Variants in MAPKBP1 observed in about 807,000 individuals in gnomAD.
MAPKBP1 encodes mitogen-activated protein kinase-binding protein 1.
In MAPKBP1, 71 loss-of-function variants were observed where a neutral mutation model predicts 170.5. That is an observed-to-expected ratio of 0.42 (90% CI 0.34 to 0.51). The LOEUF (loss-of-function observed/expected upper bound fraction) is 0.51, where lower values mean the gene tolerates loss of function less well. Among genes scored for constraint, MAPKBP1 ranks in the 20% least tolerant of loss-of-function variants. The pLI, the probability that MAPKBP1 is intolerant of heterozygous loss-of-function variation, is 0.06. For missense variants in MAPKBP1, 1,598 were observed against 1,933.0 expected (o/e 0.83, Z 3.25); for synonymous variants, 719 against 757.9 (o/e 0.95, Z 0.84).
Position 41,819,356 on chromosome 15 carries a change from C to T in MAPKBP1, c.2402C>T (p.Ala801Val), listed in dbSNP as rs777450186. The stretch of plus-strand genomic sequence containing the variant: ...GAACTTCCAGCACTGCCCGTCCTTG[C>T]CAAGAGTACCAAGAAGGCACTGGGT... ...EEELPALPVL[A>V]KSTKKALASV... Residue 801 changes from alanine to valine, a missense_variant, in exon 21 of 31, where the codon GCC (alanine) becomes GTC (valine). Physicochemically the swap from Ala to Val is moderately conservative, Grantham distance 64. Transcript: ENST00000457542. The T allele has an allele frequency of 6.8e-6, 11 of 1,614,152 alleles. No homozygotes were observed. The South Asian group carries it at 9.9e-5, about 14-fold the overall frequency.
chr15:41,774,767 A>T (rs1333073059), intron 1 of MAPKBP1, 157 bp downstream of exon 1: 5 of 400,008 alleles, frequency 1.2e-5, no homozygotes, highest in Non-Finnish European at 2.2e-5. Flanking sequence ...GTTGTGGGCT[A>T]CGGCGAGCCC....
chr15:41,782,359 C>T (rs1488128638), intron 2 of MAPKBP1, among the ~76,000 whole-genome samples: 1 of 151,830 alleles, frequency 6.6e-6, no homozygotes, highest in Non-Finnish European at 1.5e-5. Flanking sequence ...CCCCGTGTAA[C>T]CACTGCCCAA....
intron 5 of MAPKBP1, chr15:41,811,542 C>CG (rs1440083211): frequency 1.2e-5 from 8 of 646,942 alleles, no homozygotes; most frequent in Non-Finnish European, 2.0e-5. Flanking sequence ...GTGAAGGAAG[C>CG]GTGCTTTGGA....
chr15:41,817,856 A>G lies in MAPKBP1; in HGVS notation c.1904+121A>G. 3 of 1,561,854 alleles carry G rather than the reference A, an allele frequency of 1.9e-6. No individual in the cohort carries two copies. Among genetic ancestry groups the G allele is most frequent in the Non-Finnish European group, 2.6e-6 (3 of 1,141,458 alleles). Reference sequence around the variant, plus strand: ...GGACTTTGTACCCCCTTGAGCCTACAGTACTTTGCTTCACCCAAGAGGTGG... The same window carrying G: ...GGACTTTGTACCCCCTTGAGCCTACGGTACTTTGCTTCACCCAAGAGGTGG... On this transcript the variant is annotated intron_variant, in intron 16 of 30. Coordinates refer to ENST00000457542, the MANE Select transcript of MAPKBP1 (RefSeq NM_014994.3). This position sits in a 1 kb window ranked among gnomAD's most constrained non-coding sequence, Gnocchi z 4.2.
rs118190228 is a variant in MAPKBP1 at position 41,813,136 on chromosome 15, C to T, written c.819+35C>T. 7.4e-3 allele frequency: 11,639 copies of T among 1,575,450 alleles called. 55 individuals are homozygous for T. Among genetic ancestry groups the T allele is most frequent in the Admixed American group, 9.5e-3 (540 of 56,690 alleles). On this transcript the variant is annotated intron_variant, in intron 8 of 30. Coordinates refer to ENST00000457542, the MANE Select transcript of MAPKBP1 (RefSeq NM_014994.3). Reference sequence around the variant, plus strand: ...TCCGTCCCCAGGGGTAGGGTCTGCTCATGTCTCAGCTCAGGGGAGAACTAG... The same window carrying T: ...TCCGTCCCCAGGGGTAGGGTCTGCTTATGTCTCAGCTCAGGGGAGAACTAG...
At chr15:41,821,935 C>G (rs199559079) in intron 24 of MAPKBP1, 30 bp from the exon 25 acceptor site, 9 of 1,605,208 alleles carry the variant, frequency 5.6e-6, no homozygotes, top group Non-Finnish European at 7.7e-6. Context: ...TGCTCACTGC[C>G]TTTTCTTCTC....
rs763584749 is a variant in MAPKBP1, at chr15:41,818,498, C to T, written c.2093-21C>T. 38 of 1,607,138 alleles carry T rather than the reference C, an allele frequency of 2.4e-5. No homozygotes were observed. Among genetic ancestry groups the T allele is most frequent in the Middle Eastern group, 1.6e-4 (1 of 6,062 alleles). On this transcript the variant is annotated intron_variant, in intron 18 of 30. Coordinates refer to ENST00000457542, the MANE Select transcript of MAPKBP1 (RefSeq NM_014994.3). This position sits in a 1 kb window ranked among gnomAD's most constrained non-coding sequence, Gnocchi z 5.2. The stretch of plus-strand genomic sequence containing the variant: ...TGGGAATTTAAGGTGGCTTATAGAC[C>T]GTATTCTTTGTTCTTCACAGAGATT...
chr15:41,815,485 T>A, intron 11 of MAPKBP1, 80 bp downstream of exon 11: 1 of 1,580,714 alleles, frequency 6.3e-7, no homozygotes, highest in Non-Finnish European at 8.6e-7. Context: ...TACTGGGAAC[T>A]GGTCCCTAGG....
chr15:41,807,273 G>A (rs886512920), intron 3 of MAPKBP1, among the ~76,000 whole-genome samples: 19 of 152,262 alleles, frequency 1.2e-4, no homozygotes, highest in African/African-American at 4.3e-4. Context: ...GCTGAACATA[G>A]GAGAAGGAGG....
At chr15:41,790,182 C>A (rs1278397135) in intron 2 of MAPKBP1, among the ~76,000 whole-genome samples, 1 of 152,094 alleles carries the variant, frequency 6.6e-6, no homozygotes, top group Non-Finnish European at 1.5e-5. Context: ...CCTTTTGTAC[C>A]CCCGGTGCGT....
intron 10 of MAPKBP1, 140 bp downstream of exon 10, chr15:41,814,879 C>T: frequency 9.1e-7 from 1 of 1,101,768 alleles, no homozygotes; most frequent in East Asian, 2.4e-5. Context: ...TGGGATAGAT[C>T]CTGGGGACTG....
chr15:41,794,931 G>C (rs548785041), intron 2 of MAPKBP1, among the ~76,000 whole-genome samples: 1 of 152,116 alleles, frequency 6.6e-6, no homozygotes, highest in Non-Finnish European at 1.5e-5. Context: ...TTGGGAGGCC[G>C]AGGCGGGCAG....
chr15:41,821,232 G>A (rs1005488842), intron 23 of MAPKBP1, 164 bp downstream of exon 23: 1 of 717,496 alleles, frequency 1.4e-6, no homozygotes, highest in Non-Finnish European at 2.3e-6. Context: ...GGGCTGTATG[G>A]TTTGGTCATC....
In MAPKBP1 at chr15:41,816,582, G is replaced by A; in HGVS notation, c.1517G>A (p.Ser506Asn). 1 of 1,614,072 alleles carries A rather than the reference G, an allele frequency of 6.2e-7. No homozygotes were observed. Among genetic ancestry groups the A allele is most frequent in the Non-Finnish European group, 8.5e-7 (1 of 1,179,986 alleles). Residue 506 changes from serine to asparagine, a missense_variant, in exon 13 of 31, where the codon AGT becomes AAT. Ser to Asn is a conservative substitution (Grantham distance 46). This residue lies in a region of MAPKBP1 where 430 missense variants were observed against 617.2 expected (regional missense o/e 0.70). Coordinates refer to ENST00000457542, the MANE Select transcript of MAPKBP1 (RefSeq NM_014994.3). ...AGGGTGCACGAACTTCAGTCCCTGA[G>A]TGAGATGCTGAAGGTGGAGGCCCAT... ...TLRVHELQSL[S>N]EMLKVEAHDS...
chr15:41,775,210 C>T lies in MAPKBP1; in HGVS notation c.-66C>T, dbSNP rs2064076534. 3 of 1,300,422 alleles carry T rather than the reference C, an allele frequency of 2.3e-6. No individual in the cohort carries two copies. Among genetic ancestry groups the T allele is most frequent in the African/African-American group, 1.4e-5 (1 of 69,040 alleles). The allele number at this position is 1,300,422 out of a possible 1,614,324, so 80.6% of individuals were successfully genotyped here. A position where few individuals can be genotyped will look rare whatever the true frequency, so the allele number is the denominator to read the frequency against. ...TGGGAAGCCCTCTGGAGTGGGAAGA[C>T]AGTGCCGCTGTTGAGACAAGACCCA... On this transcript the variant is annotated 5_prime_UTR_variant, in exon 2 of 31. An upstream open reading frame in the 5' UTR gains an earlier in-frame stop. Coordinates refer to ENST00000457542, the MANE Select transcript of MAPKBP1 (RefSeq NM_014994.3).
chr15:41,822,064 G>A lies in MAPKBP1; in HGVS notation c.2985G>A (p.Val995=). ...EKHSPDSACS[V]DYSSSCLSSP... ...ACAGCCCTGACAGTGCCTGCTCTGT[G>A]GATTACAGCAGCAGCTGCCTTTCCA... The change falls in exon 25 of 31, where the codon GTG becomes GTA. Residue 995 remains valine, a synonymous_variant. Transcript: ENST00000457542. 1.2e-6 allele frequency: 2 copies of A among 1,609,024 alleles called. No homozygotes were observed. Among genetic ancestry groups the A allele is most frequent in the South Asian group, 2.2e-5 (2 of 90,106 alleles).
rs192394045 is a variant in MAPKBP1, at chr15:41,775,245, C to T, written c.-31C>T. 583 of 1,570,988 alleles carry T rather than the reference C, an allele frequency of 3.7e-4. 10 individuals carry two copies. In the East Asian group the frequency reaches 9.4e-3, roughly 25 times the overall value. ...GTTGAGACAAGACCCAGGACTGGGC[C>T]GGGGACTGTCCCAAAGGGTTTCTCG... On this transcript the variant is annotated 5_prime_UTR_variant, in exon 2 of 31. Transcript: ENST00000457542.
At position 41,827,229 on chromosome 15, in the gene MAPKBP1, G is replaced by A. The variant is rs1019444202; in HGVS notation, c.*1793G>A. 6.6e-6 allele frequency: 1 copy of A among 152,122 alleles called. No homozygotes were observed. The highest frequency in any genetic ancestry group is 2.4e-5 in the African/African-American group (1 of 41,386). 9.4% of individuals were successfully genotyped at this position (152,122 alleles called of 1,614,324 possible). On this transcript the variant is annotated 3_prime_UTR_variant, in exon 31 of 31. Coordinates refer to ENST00000457542, the MANE Select transcript of MAPKBP1 (RefSeq NM_014994.3). ...GAATCGCTTGAACCCTGGAGGTGGA[G>A]GTGGAGGTTGCAGTGAGCCGAGATC...
At chr15:41,793,479 A>C (rs376935405) in intron 2 of MAPKBP1, among the ~76,000 whole-genome samples, 1 of 152,238 alleles carries the variant, frequency 6.6e-6, no homozygotes, top group East Asian at 1.9e-4. Context: ...TCTCAAAAAA[A>C]TAAATAAAAA....
Sources: allele counts gnomAD v4.1 joint callset (sites outside exome capture counted in the v4.1 genomes callset), GRCh38; gene constraint gnomAD v4.1.1; regional missense constraint gnomAD v4.1.1; non-coding constraint Gnocchi (gnomAD v3.1); transcripts MANE v1.5; gene names NCBI Gene and HGNC (gene_info 2026-07-23, HGNC 2026-07-21).